The following TECTA variants were observed in gnomAD, a reference collection of about 807,000 sequenced individuals.
TECTA encodes the protein tectorin alpha.
A neutral mutation model predicts 216.8 loss-of-function variants in TECTA; 128 were observed. The observed-to-expected ratio is 0.59, with a 90% CI of 0.51 to 0.68. The LOEUF is 0.68. Ranked by LOEUF, TECTA falls within the 30% of genes least tolerant of loss-of-function variation. The pLI is 0.00. For missense variants in TECTA, 2,551 were observed against 2,786.2 expected (o/e 0.92, Z 1.90); for synonymous variants, 1,089 against 1,117.1 (o/e 0.97, Z 0.50).
At chr11:121,107,480 G>A (rs1355073140) in intron 3 of TECTA, among the ~76,000 whole-genome samples, 3 of 152,166 alleles carry the variant, frequency 2.0e-5, no homozygotes, top group Admixed American at 6.5e-5. Context: ...TTCCAAACAC[G>A]TAGACCTACC....
intron 10 of TECTA, among the ~76,000 whole-genome samples, chr11:121,137,130 A>G (rs1946735156): frequency 6.6e-6 from 1 of 152,216 alleles, no homozygotes; most frequent in Admixed American, 6.5e-5. Context: ...ATGGATACTC[A>G]CATGCACACA....
At chr11:121,119,491 A>G (rs902319935) in intron 7 of TECTA, among the ~76,000 whole-genome samples, 1 of 152,208 alleles carries the variant, frequency 6.6e-6, no homozygotes, top group Non-Finnish European at 1.5e-5. Context: ...GAGAAAAAGC[A>G]AAAAGCTACT....
intron 20 of TECTA, among the ~76,000 whole-genome samples, chr11:121,173,474 A>G (rs1368498944): frequency 2.4e-5 from 3 of 126,554 alleles, no homozygotes; most frequent in Admixed American, 8.1e-5. Flanking sequence ...TGTTTTTCTC[A>G]GGTTTGTCAA....
chr11:121,162,520 C>G (rs1038274708), intron 16 of TECTA, 150 bp downstream of exon 16: 20 of 1,120,666 alleles, frequency 1.8e-5, no homozygotes, highest in Non-Finnish European at 2.5e-5. Flanking sequence ...CTGTGAGCTG[C>G]AGCCGAGATT....
chr11:121,158,102 A>G lies in TECTA; in HGVS notation c.4567A>G (p.Ile1523Val), dbSNP rs1170934393. 6.2e-7 allele frequency: 1 copy of G among 1,614,030 alleles called. No homozygotes were observed. The highest frequency in any genetic ancestry group is 8.5e-7 in the Non-Finnish European group (1 of 1,180,038). Reference protein sequence around the residue: ...LSTICQKLPDISFQLIINFDK... With the variant: ...LSTICQKLPDVSFQLIINFDK... ...CACCATCTGCCAGAAACTGCCCGAC[A>G]TCTCCTTCCAGCTTATCATCAACTT... Residue 1523 changes from isoleucine to valine, a missense_variant, in exon 14 of 24, where the codon ATC becomes GTC. Around this residue, in one of 3 missense-constraint regions of TECTA, gnomAD observed 2,375 missense variants for 2,563.9 expected, o/e 0.93. Transcript: ENST00000392793.
chr11:121,112,463 C>G (rs1264433887), intron 4 of TECTA, among the ~76,000 whole-genome samples: 1 of 152,172 alleles, frequency 6.6e-6, no homozygotes, highest in African/African-American at 2.4e-5. Context: ...TGAATGTTAA[C>G]GATTTTCAGA....
chr11:121,109,087 T>A, intron 3 of TECTA, 124 bp from the exon 4 acceptor site: 1 of 1,051,278 alleles, frequency 9.5e-7, no homozygotes, highest in Non-Finnish European at 1.4e-6. Flanking sequence ...TGTTTGGGGG[T>A]TCTAATTCAG....
At position 121,123,752 on chromosome 11, in the gene TECTA, C is replaced by A. The variant is rs138167767; in HGVS notation, c.1204-1550C>A. Among the ~76,000 whole-genome samples, 91 of 152,360 alleles carry A rather than the reference C, an allele frequency of 6.0e-4. 1 individual carries two copies. The East Asian group carries it at 0.017, about 28-fold the overall frequency. ...TCGTGCGGACTTTTTGTTTTAAACA[C>A]TCCCTGGGCTCTCCATCTTGCTCAG... On this transcript the variant is annotated intron_variant, in intron 7 of 23. Transcript: ENST00000392793.
chr11:121,131,233 A>AG, intron 10 of TECTA, among the ~76,000 whole-genome samples: 1 of 151,662 alleles, frequency 6.6e-6, no homozygotes, highest in African/African-American at 2.4e-5. Context: ...AAAAAAAAAA[A>AG]AAGGATTCAT....
intron 6 of TECTA, among the ~76,000 whole-genome samples, chr11:121,117,857 A>C (rs1401426467): frequency 6.6e-6 from 1 of 152,174 alleles, no homozygotes; most frequent in African/African-American, 2.4e-5. Context: ...GCCCCCAACA[A>C]ATGTCTGTTG....
At chr11:121,139,798 T>C (rs756612350) in intron 11 of TECTA, among the ~76,000 whole-genome samples, 8 of 152,246 alleles carry the variant, frequency 5.3e-5, no homozygotes, top group Non-Finnish European at 1.2e-4. Flanking sequence ...ATATTGCCAC[T>C]GAGGCAAGTT....
In TECTA at chr11:121,161,212, C is replaced by T. The variant is rs529128207; in HGVS notation, c.4976+791C>T. ...TTAGACTATCCTGTGAATTATGGGA[C>T]TCAGAGCTGTGAAAATTCTTGGGCA... On this transcript the variant is annotated intron_variant, in intron 15 of 23. Coordinates refer to ENST00000392793, the MANE Select transcript of TECTA (RefSeq NM_005422.4). 9.9e-5 allele frequency among the ~76,000 whole-genome samples: 15 copies of T among 152,242 alleles called. No individual in the cohort carries two copies. The South Asian group carries it at 3.1e-3, about 32-fold the overall frequency.
chr11:121,132,421 T>C (rs1397212761), intron 10 of TECTA, among the ~76,000 whole-genome samples: 2 of 152,196 alleles, frequency 1.3e-5, no homozygotes, highest in African/African-American at 4.8e-5. Context: ...CTTTCTCTGC[T>C]CTAGCCTTGG....
chr11:121,160,948 G>C (rs1946992735), intron 15 of TECTA, among the ~76,000 whole-genome samples: 1 of 152,216 alleles, frequency 6.6e-6, no homozygotes, highest in Admixed American at 6.5e-5. Flanking sequence ...AGCAGAGAGA[G>C]AGTGAGCTAA....
intron 10 of TECTA, among the ~76,000 whole-genome samples, chr11:121,130,477 C>G (rs926376632): frequency 6.6e-6 from 1 of 152,184 alleles, no homozygotes; most frequent in African/African-American, 2.4e-5. Flanking sequence ...TTTTATCTAG[C>G]AGAGGGTAGA....
chr11:121,126,602 G>C (rs931846837), intron 8 of TECTA, among the ~76,000 whole-genome samples: 1 of 152,174 alleles, frequency 6.6e-6, no homozygotes, highest in Non-Finnish European at 1.5e-5. Flanking sequence ...TTCTCCATAT[G>C]AGTAAATAGA....
intron 20 of TECTA, among the ~76,000 whole-genome samples, chr11:121,171,471 G>T (rs1947111783): frequency 6.6e-6 from 1 of 152,050 alleles, no homozygotes; most frequent in Non-Finnish European, 1.5e-5. Context: ...AATTTCATTG[G>T]TGTATTGATA....
chr11:121,113,789 C>G lies in TECTA; in HGVS notation c.790+71C>G. 1 of 1,579,354 alleles carries G rather than the reference C, an allele frequency of 6.3e-7. No homozygotes were observed. Among genetic ancestry groups the G allele is most frequent in the Non-Finnish European group, 8.6e-7 (1 of 1,156,348 alleles). ...TAGATTGACAGGCAAGCTTTTAAGC[C>G]ACGGGGGCGGACTCATTCCTGATGC... is the stretch of plus-strand genomic sequence containing the variant. On this transcript the variant is annotated intron_variant, in intron 6 of 23. Coordinates refer to ENST00000392793, the MANE Select transcript of TECTA (RefSeq NM_005422.4). This position sits in a 1 kb window ranked among gnomAD's most constrained non-coding sequence, Gnocchi z 4.2.
At chr11:121,130,777 A>G (rs1364931499) in intron 10 of TECTA, among the ~76,000 whole-genome samples, 1 of 152,196 alleles carries the variant, frequency 6.6e-6, no homozygotes, top group Admixed American at 6.5e-5. Context: ...AACACCCTTG[A>G]TTATCAGGGA....
Sources: gnomAD v4.1 joint callset for allele counts (sites outside exome capture counted in the v4.1 genomes callset) on GRCh38, gnomAD v4.1.1 for gene constraint, gnomAD v4.1.1 regional missense constraint, Gnocchi (gnomAD v3.1) non-coding constraint, MANE v1.5 for transcripts, NCBI Gene and HGNC (gene_info 2026-07-23, HGNC 2026-07-21) for gene names.